The following UNC5C variants were observed in gnomAD, a reference collection of about 807,000 sequenced individuals.
The protein encoded by UNC5C is netrin receptor UNC5C.
In UNC5C, 47 loss-of-function variants were observed where a neutral mutation model predicts 99.8. The observed-to-expected ratio is 0.47, with a 90% CI of 0.37 to 0.60. UNC5C has a LOEUF of 0.60. Among genes scored for constraint, UNC5C ranks in the 20% least tolerant of loss-of-function variants. UNC5C has a pLI of 0.00. For synonymous variants in UNC5C, 487 were observed against 452.2 expected (o/e 1.08, Z -0.98); for missense variants, 1,062 against 1,165.9 (o/e 0.91, Z 1.30).
In UNC5C at chr4:95,163,198, T is replaced by G. The variant is rs987323795; in HGVS notation, c.*6036A>C. On this transcript the variant is annotated 3_prime_UTR_variant, in exon 16 of 16. Transcript: ENST00000453304. ...GTTCCACTGTTCTGACTGCTGTACT[T>G]TTTCTTGTCCATGGCCTGGAGGAGT... The G allele has an allele frequency of 6.6e-6, 1 of 152,190 alleles. No homozygotes were observed. 9.4% of individuals were successfully genotyped at this position (152,190 alleles called of 1,614,324 possible). A position where few individuals can be genotyped will look rare whatever the true frequency, so the allele number is the denominator to read the frequency against.
At position 95,455,041 on chromosome 4, in the gene UNC5C, A is replaced by T. The variant is rs74786125; in HGVS notation, c.124+93693T>A. 7.0e-3 allele frequency among the ~76,000 whole-genome samples: 1,066 copies of T among 152,234 alleles called. 11 individuals carry two copies. Among genetic ancestry groups the T allele is most frequent in the African/African-American group, 0.024 (1,010 of 41,526 alleles). On this transcript the variant is annotated intron_variant, in intron 1 of 15. Coordinates refer to ENST00000453304, the MANE Select transcript of UNC5C (RefSeq NM_003728.4). The stretch of plus-strand genomic sequence containing the variant: ...AATTATACTGCTCTCTTAATGTTAC[A>T]TTATAAGACTGAAACAGAATGGAAC...
intron 3 of UNC5C, among the ~76,000 whole-genome samples, chr4:95,289,642 T>C (rs900044851): frequency 6.6e-6 from 1 of 152,202 alleles, no homozygotes; most frequent in African/African-American, 2.4e-5. Context: ...AAAGTAATAA[T>C]ACTGTGTTCT....
intron 1 of UNC5C, among the ~76,000 whole-genome samples, chr4:95,404,122 A>T (rs1463355280): frequency 2.0e-5 from 3 of 152,218 alleles, no homozygotes; most frequent in African/African-American, 7.2e-5. Context: ...TAATAATGCA[A>T]CTGTATACAA....
At chr4:95,455,273 T>C (rs1464127055) in intron 1 of UNC5C, among the ~76,000 whole-genome samples, 1 of 152,106 alleles carries the variant, frequency 6.6e-6, no homozygotes, top group Non-Finnish European at 1.5e-5. Flanking sequence ...GGCAAAGTGA[T>C]GTCTAAGCTG....
chr4:95,397,134 GC>G (rs1471559566), intron 1 of UNC5C, among the ~76,000 whole-genome samples: 1 of 152,174 alleles, frequency 6.6e-6, no homozygotes, highest in Admixed American at 6.5e-5. Context: ...GGGAAATGCA[GC>G]CTTTTGACAA....
chr4:95,289,163 TAA>T (rs1468103298), intron 3 of UNC5C, among the ~76,000 whole-genome samples: 1 of 152,232 alleles, frequency 6.6e-6, no homozygotes, highest in African/African-American at 2.4e-5. Flanking sequence ...TGCAGTTACA[TAA>T]AGAGTCCTCT....
intron 1 of UNC5C, among the ~76,000 whole-genome samples, chr4:95,489,032 A>G (rs1578191352): frequency 7.0e-6 from 1 of 142,852 alleles, no homozygotes; most frequent in Non-Finnish European, 1.5e-5. Flanking sequence ...AATAAAAATG[A>G]GTATATTCCA....
At chr4:95,235,339 T>C (rs913940568) in intron 7 of UNC5C, among the ~76,000 whole-genome samples, 11 of 152,234 alleles carry the variant, frequency 7.2e-5, no homozygotes, top group Admixed American at 1.3e-4. Context: ...TGTTTGTTTT[T>C]TTCTTGTAAA....
intron 4 of UNC5C, among the ~76,000 whole-genome samples, chr4:95,262,157 G>A (rs1001379349): frequency 1.3e-5 from 2 of 152,192 alleles, no homozygotes; most frequent in East Asian, 1.9e-4. Context: ...TATTAGTGTT[G>A]TAGTTGAGAA....
intron 1 of UNC5C, among the ~76,000 whole-genome samples, chr4:95,539,196 G>A (rs1475145352): frequency 1.3e-5 from 2 of 152,176 alleles, no homozygotes; most frequent in African/African-American, 2.4e-5. Flanking sequence ...ACTCCTGCGT[G>A]CACTGCATGC....
intron 2 of UNC5C, among the ~76,000 whole-genome samples, chr4:95,311,910 G>A (rs1008557763): frequency 3.9e-5 from 6 of 152,074 alleles, no homozygotes; most frequent in African/African-American, 7.2e-5. Flanking sequence ...AGCTAGGCAC[G>A]GTGGTGTATG....
chr4:95,548,398 G>T (rs904599422), intron 1 of UNC5C, among the ~76,000 whole-genome samples: 1 of 151,948 alleles, frequency 6.6e-6, no homozygotes, highest in African/African-American at 2.4e-5. Context: ...ACCTCCGTGT[G>T]TGCAATATGC....
At chr4:95,381,161 G>C (rs1002220691) in intron 1 of UNC5C, among the ~76,000 whole-genome samples, 1 of 152,034 alleles carries the variant, frequency 6.6e-6, no homozygotes, top group African/African-American at 2.4e-5. Context: ...CATCAAACAA[G>C]AAAAAAATTT....
chr4:95,222,119 A>G, intron 7 of UNC5C: 4 of 897,106 alleles, frequency 4.5e-6, no homozygotes, highest in Non-Finnish European at 6.4e-6. Context: ...TCCTGTGTGC[A>G]CATCTGTAAT....
At chr4:95,313,232 A>G (rs1742335583) in intron 2 of UNC5C, among the ~76,000 whole-genome samples, 1 of 152,156 alleles carries the variant, frequency 6.6e-6, no homozygotes, top group Non-Finnish European at 1.5e-5. Context: ...GTTGAATTAG[A>G]TAGAAGAGAA....
At chr4:95,179,109 A>G (rs191464042) in intron 14 of UNC5C, among the ~76,000 whole-genome samples, 262 of 152,318 alleles carry the variant, frequency 1.7e-3, no homozygotes, top group Non-Finnish European at 2.9e-3. Context: ...ATGTAAACAT[A>G]TGATTTTTCA....
intron 2 of UNC5C, among the ~76,000 whole-genome samples, chr4:95,333,808 G>A (rs1041870074): frequency 2.6e-5 from 4 of 152,128 alleles, no homozygotes; most frequent in South Asian, 4.1e-4. Context: ...TGAATATGTT[G>A]TAACGTATTT....
At chr4:95,367,262 G>C (rs1203716578) in intron 1 of UNC5C, among the ~76,000 whole-genome samples, 1 of 147,182 alleles carries the variant, frequency 6.8e-6, no homozygotes, top group Non-Finnish European at 1.5e-5. Context: ...TCCACTTTCT[G>C]GGCTCAAGTG....
chr4:95,316,489 G>A (rs1469171555), intron 2 of UNC5C, among the ~76,000 whole-genome samples: 2 of 152,044 alleles, frequency 1.3e-5, no homozygotes, highest in African/African-American at 4.8e-5. Context: ...TTTAATTTGT[G>A]GCAAGATGGT....
Sources: gnomAD v4.1 joint callset for allele counts (sites outside exome capture counted in the v4.1 genomes callset) on GRCh38, gnomAD v4.1.1 for gene constraint, MANE v1.5 for transcripts, NCBI Gene and HGNC (gene_info 2026-07-23, HGNC 2026-07-21) for gene names.